STAC: variants seen among roughly 807,000 people sequenced by gnomAD.
STAC encodes SH3 and cysteine-rich domain-containing protein.
STAC carries 43 observed loss-of-function variants against 48.8 expected under a neutral mutation model. The ratio of observed to expected loss-of-function variants is 0.88; its 90% CI spans 0.69 to 1.14. The LOEUF is 1.14. Among genes scored for constraint, STAC ranks in the 50% most tolerant of loss-of-function variants. The pLI, the probability that STAC is intolerant of heterozygous loss-of-function variation, is 0.00. For missense variants in STAC, 497 were observed against 504.0 expected (o/e 0.99, Z 0.13); for synonymous variants, 193 against 179.5 (o/e 1.07, Z -0.60).
intron 10 of STAC, among the ~76,000 whole-genome samples, chr3:36,535,549 T>C (rs940147856): frequency 1.2e-4 from 18 of 152,210 alleles, no homozygotes; most frequent in African/African-American, 4.1e-4. Flanking sequence ...TTTGTGCCAA[T>C]TTTCAAGGAG....
At chr3:36,436,294 C>T (rs1559490410) in intron 1 of STAC, among the ~76,000 whole-genome samples, 1 of 152,172 alleles carries the variant, frequency 6.6e-6, no homozygotes, top group Non-Finnish European at 1.5e-5. Context: ...TCCCTGTTTC[C>T]ATCTTGCCTT....
rs1200441805 is a variant in STAC, at chr3:36,486,258, C to T, written c.687+9C>T. The T allele has an allele frequency of 6.2e-7, 1 of 1,609,264 alleles. No individual in the cohort carries two copies. Among genetic ancestry groups the T allele is most frequent in the Non-Finnish European group, 8.5e-7 (1 of 1,176,624 alleles). ...CACCTCACAGAACCTCTGTAATTAT[C>T]CTCTTCCTTCCTCGGTTTGTCTGTG... On this transcript the variant is annotated intron_variant, in intron 5 of 10. Coordinates refer to ENST00000273183, the MANE Select transcript of STAC (RefSeq NM_003149.3).
chr3:36,450,907 GT>G (rs957784439), intron 2 of STAC, among the ~76,000 whole-genome samples: 11 of 151,982 alleles, frequency 7.2e-5, no homozygotes, highest in African/African-American at 2.4e-4. Flanking sequence ...TTTCATGTTT[GT>G]TTGATAGGCC....
chr3:36,448,974 C>T (rs1409981439), intron 2 of STAC, among the ~76,000 whole-genome samples: 1 of 150,846 alleles, frequency 6.6e-6, no homozygotes, highest in Non-Finnish European at 1.5e-5. Context: ...ATAAAGTTAG[C>T]CAGGCATAGT....
chr3:36,437,478 G>A (rs1167357420), intron 1 of STAC, among the ~76,000 whole-genome samples: 2 of 151,732 alleles, frequency 1.3e-5, no homozygotes, highest in East Asian at 3.9e-4. Flanking sequence ...CCTTTGTAGG[G>A]ACATGGATGA....
chr3:36,511,660 C>T (rs1283347040), intron 8 of STAC, among the ~76,000 whole-genome samples: 1 of 152,182 alleles, frequency 6.6e-6, no homozygotes, highest in Non-Finnish European at 1.5e-5. Flanking sequence ...GCTGTGCCAG[C>T]CAAATTATCA....
At chr3:36,471,035 A>T (rs577457660) in intron 2 of STAC, among the ~76,000 whole-genome samples, 45 of 152,156 alleles carry the variant, frequency 3.0e-4, no homozygotes, top group Non-Finnish European at 6.0e-4. Context: ...GACCTGTTGT[A>T]TTAGTCCATT....
intron 5 of STAC, 111 bp from the exon 6 acceptor site, chr3:36,493,040 G>A (rs1197690119): frequency 2.1e-6 from 2 of 962,792 alleles, no homozygotes; most frequent in African/African-American, 1.6e-5. Flanking sequence ...CAATCACTGG[G>A]TCCTTATGTG....
intron 1 of STAC, among the ~76,000 whole-genome samples, chr3:36,401,490 G>A (rs1422718827): frequency 6.6e-6 from 1 of 152,148 alleles, no homozygotes; most frequent in African/African-American, 2.4e-5. Flanking sequence ...TAGAAATGCT[G>A]CAGGGAACCC....
chr3:36,417,033 C>A (rs1700335014), intron 1 of STAC, among the ~76,000 whole-genome samples: 1 of 152,112 alleles, frequency 6.6e-6, no homozygotes, highest in Non-Finnish European at 1.5e-5. Flanking sequence ...TGGGGCAGGT[C>A]TTTGGCCTAC....
At chr3:36,465,139 T>G (rs1697133550) in intron 2 of STAC, among the ~76,000 whole-genome samples, 1 of 152,240 alleles carries the variant, frequency 6.6e-6, no homozygotes. Context: ...TTTAAATGTT[T>G]TTATTATGAC....
intron 10 of STAC, among the ~76,000 whole-genome samples, chr3:36,542,324 T>C (rs1231386636): frequency 3.3e-5 from 5 of 152,174 alleles, no homozygotes; most frequent in African/African-American, 1.2e-4. Context: ...AGTGGTTTGC[T>C]TGTGGCCCAA....
intron 6 of STAC, among the ~76,000 whole-genome samples, chr3:36,493,829 T>G (rs1698059870): frequency 1.3e-5 from 2 of 152,106 alleles, no homozygotes; most frequent in African/African-American, 4.8e-5. Flanking sequence ...AATGCTAACT[T>G]CATACTTCCA....
intron 1 of STAC, among the ~76,000 whole-genome samples, chr3:36,435,067 T>A (rs1700797772): frequency 6.6e-6 from 1 of 152,216 alleles, no homozygotes; most frequent in Non-Finnish European, 1.5e-5. Context: ...CATTTAACTT[T>A]GGGCAAGTTG....
chr3:36,449,059 C>T (rs1169924539), intron 2 of STAC, among the ~76,000 whole-genome samples: 1 of 151,884 alleles, frequency 6.6e-6, no homozygotes, highest in African/African-American at 2.4e-5. Context: ...TTCGAGGCTA[C>T]GATGAGCTAT....
chr3:36,521,877 T>C (rs976875034), intron 8 of STAC, among the ~76,000 whole-genome samples: 5 of 152,078 alleles, frequency 3.3e-5, no homozygotes, highest in Non-Finnish European at 7.4e-5. Flanking sequence ...GAGGATCATT[T>C]GAGGCCAAGA....
intron 2 of STAC, chr3:36,459,422 C>T (rs917955242): frequency 6.6e-6 from 1 of 152,208 alleles, no homozygotes; most frequent in African/African-American, 2.4e-5. Context: ...CTCTACCAAA[C>T]TATCTACAGT....
At chr3:36,431,391 G>C (rs1700701005) in intron 1 of STAC, among the ~76,000 whole-genome samples, 1 of 152,098 alleles carries the variant, frequency 6.6e-6, no homozygotes, top group South Asian at 2.1e-4. Context: ...CGCCCGTGTT[G>C]GGCTTTATGG....
At chr3:36,446,317 G>A (rs1696507916) in intron 2 of STAC, among the ~76,000 whole-genome samples, 1 of 152,224 alleles carries the variant, frequency 6.6e-6, no homozygotes, top group Non-Finnish European at 1.5e-5. Flanking sequence ...GAAATAGGCA[G>A]TTAGGTGTGT....
Sources: gnomAD v4.1 joint callset for allele counts (sites outside exome capture counted in the v4.1 genomes callset) on GRCh38, gnomAD v4.1.1 for gene constraint, MANE v1.5 for transcripts, NCBI Gene and HGNC (gene_info 2026-07-23, HGNC 2026-07-21) for gene names.